Variants in FECH observed in about 807,000 individuals in gnomAD.
The protein encoded by FECH is ferrochelatase, mitochondrial.
A neutral mutation model predicts 56.9 loss-of-function variants in FECH; 40 were observed. The ratio of observed to expected loss-of-function variants is 0.70; its 90% CI spans 0.55 to 0.92. The LOEUF is 0.92. Ranked by LOEUF, FECH falls within the 40% of genes least tolerant of loss-of-function variation. FECH has a pLI of 0.00. For missense variants in FECH, 431 were observed against 529.1 expected (o/e 0.81, Z 1.82); for synonymous variants, 175 against 198.6 (o/e 0.88, Z 1.00).
chr18:57,579,970 A>T, intron 2 of FECH, 103 bp downstream of exon 2: 1 of 1,517,552 alleles, frequency 6.6e-7, no homozygotes, highest in South Asian at 1.1e-5. Context: ...AGCTCCTTCC[A>T]CACTGGCTTT....
chr18:57,576,849 C>G (rs946985512), intron 2 of FECH, among the ~76,000 whole-genome samples: 1 of 152,204 alleles, frequency 6.6e-6, no homozygotes, highest in Non-Finnish European at 1.5e-5. Context: ...AAGCTTTAGT[C>G]AAGGGTCTCC....
At chr18:57,580,424 C>T (rs1003374162) in intron 1 of FECH, among the ~76,000 whole-genome samples, 4 of 152,068 alleles carry the variant, frequency 2.6e-5, no homozygotes, top group African/African-American at 9.7e-5. Flanking sequence ...TGCAGAGAAG[C>T]ATTTTAGAAA....
At position 57,562,917 on chromosome 18, in the gene FECH, C is replaced by T. The variant is rs753599650; in HGVS notation, c.662G>A (p.Trp221Ter). The change falls in exon 6 of 11, where the codon TGG (tryptophan) becomes TAG (stop). Residue 221 changes from tryptophan (W) to a stop codon, truncating the protein, a stop_gained. Coordinates refer to ENST00000262093, the MANE Select transcript of FECH (RefSeq NM_000140.5). LOFTEE classifies it high-confidence loss of function. The part of the protein sequence containing the change: ...NQVGRKPTMK[W>*]STIDRWPTHH... ...TGTGGGCCACCTGTCAATAGTGCTC[C>T]ACTTCATCGTGGGCTTCCGTCCCAC... is the stretch of plus-strand genomic sequence containing the variant. The T allele has an allele frequency of 2.5e-6, 4 of 1,613,988 alleles. No individual in the cohort carries two copies. The highest frequency in any genetic ancestry group is 3.4e-6 in the Non-Finnish European group (4 of 1,180,036).
In FECH at chr18:57,551,300, T is replaced by C; in HGVS notation, c.1137+15A>G. On this transcript the variant is annotated intron_variant, in intron 10 of 10. Coordinates refer to ENST00000262093, the MANE Select transcript of FECH (RefSeq NM_000140.5). ...CTGGTATGTTCTACTAAAACGATTG[T>C]AACACTGTAGATACCTTAGAGAACA... The C allele has an allele frequency of 6.3e-7, 1 of 1,592,344 alleles. No homozygotes were observed. The highest frequency in any genetic ancestry group is 8.6e-7 in the Non-Finnish European group (1 of 1,160,392).
chr18:57,584,111 C>T (rs1195059644), intron 1 of FECH, among the ~76,000 whole-genome samples: 2 of 149,840 alleles, frequency 1.3e-5, no homozygotes, highest in Non-Finnish European at 3.0e-5. Context: ...ACCTGGGAGG[C>T]GGAGGTTGCA....
intron 5 of FECH, among the ~76,000 whole-genome samples, chr18:57,564,249 A>G (rs890015287): frequency 1.3e-5 from 2 of 152,220 alleles, no homozygotes; most frequent in Non-Finnish European, 2.9e-5. Context: ...CTCATTCCCT[A>G]GAATAAGCTA....
chr18:57,569,959 A>C (rs778384554), intron 4 of FECH, among the ~76,000 whole-genome samples: 2 of 150,818 alleles, frequency 1.3e-5, no homozygotes, highest in Non-Finnish European at 3.0e-5. Flanking sequence ...TCAGCCTCAC[A>C]AATAGCTGGG....
rs551149565 is a variant in FECH, at chr18:57,552,173, C to T, written c.1078-799G>A. On this transcript the variant is annotated intron_variant, in intron 9 of 10. Transcript: ENST00000262093. The stretch of plus-strand genomic sequence containing the variant: ...TGCTGGGATTACAGGTGTGAGCCAC[C>T]AAGTCTGGCCTGAAATATATTCTTA... Among the ~76,000 whole-genome samples, 16 of 151,978 alleles carry T rather than the reference C, an allele frequency of 1.1e-4. No individual in the cohort carries two copies. The East Asian group carries it at 2.9e-3, about 28-fold the overall frequency.
intron 3 of FECH, 138 bp from the exon 4 acceptor site, chr18:57,571,678 G>A: frequency 8.1e-7 from 1 of 1,238,766 alleles, no homozygotes; most frequent in Non-Finnish European, 1.1e-6. Context: ...AGAAGCTTGA[G>A]GTCATTGACA....
rs57800921 is a variant in FECH at position 57,551,424 on chromosome 18, CT to C, written c.1078-51del. ...AAAAACACAGATATATTTTATTTTC[CT>C]TTTTTTTTCAAAGAAACTGCTACAA... is the stretch of plus-strand genomic sequence containing the variant. On this transcript the variant is annotated intron_variant, in intron 9 of 10. Coordinates refer to ENST00000262093, the MANE Select transcript of FECH (RefSeq NM_000140.5). The C allele has an allele frequency of 0.12, 174,054 of 1,398,454 alleles. 12,054 individuals carry two copies. Among genetic ancestry groups the C allele is most frequent in the Non-Finnish European group, 0.14 (136,731 of 993,820 alleles). 86.6% of individuals were successfully genotyped at this position (1,398,454 alleles called of 1,614,324 possible).
At position 57,580,073 on chromosome 18, in the gene FECH, C is replaced by T. The variant is rs187462957; in HGVS notation, c.194G>A (p.Arg65Lys). Reference protein sequence around the residue: ...GAKPQVQPQKRKPKTGILMLN... With the variant: ...GAKPQVQPQKKKPKTGILMLN... ...TTTGTACCTGATGTTAGACTCATACCTCTTCTGCGGTTGAACTTGAGGTTT... is the reference window on the plus strand; with the variant it reads ...TTTGTACCTGATGTTAGACTCATACTTCTTCTGCGGTTGAACTTGAGGTTT... Residue 65 changes from arginine to lysine, a missense_variant and splice_region_variant, in exon 2 of 11, where the codon AGG becomes AAG. Physicochemically the swap from Arg to Lys is conservative, Grantham distance 26. Transcript: ENST00000262093. The T allele has an allele frequency of 2.0e-5, 33 of 1,613,960 alleles. No individual in the cohort carries two copies. The highest frequency in any genetic ancestry group is 1.3e-4 in the Admixed American group (8 of 60,010).
chr18:57,555,745 TTC>T lies in FECH; in HGVS notation c.805-795_805-794del, dbSNP rs1398901971. 5.3e-5 allele frequency among the ~76,000 whole-genome samples: 8 copies of T among 152,368 alleles called. No homozygotes were observed. In the South Asian group the frequency reaches 6.2e-4, roughly 12 times the overall value. On this transcript the variant is annotated intron_variant, in intron 7 of 10. Transcript: ENST00000262093. ...CCCTACTCTCTGCAAACAAAGATTT[TTC>T]TCTGTTTTCTTCATTCCCATATCCT...
rs182872991 is a variant in FECH at position 57,546,995 on chromosome 18, C to T, written c.*3717G>A. 5.3e-5 allele frequency among the ~76,000 whole-genome samples: 8 copies of T among 152,040 alleles called. No individual in the cohort carries two copies. The highest frequency in any genetic ancestry group is 1.9e-4 in the African/African-American group (8 of 41,440). ...AAAAAAAATTTAAGGAGTGCCCTGC[C>T]GGGTTTCAGACTTGCACAGTGGAGT... is the stretch of plus-strand genomic sequence containing the variant. On this transcript the variant is annotated 3_prime_UTR_variant, in exon 11 of 11. Transcript: ENST00000262093.
At chr18:57,573,442 C>T (rs1235623937) in intron 2 of FECH, 77 bp from the exon 3 acceptor site, 24 of 1,535,108 alleles carry the variant, frequency 1.6e-5, no homozygotes, top group Admixed American at 6.7e-5. Context: ...GTTCAGCCAG[C>T]AAACTCTAAT....
In FECH at chr18:57,559,137, T is replaced by C; in HGVS notation, c.804+8A>G. ...CACTAGGTCATCCCAGAAAATGTTC[T>C]TACTTACAGACATGGGCAGTGAGTG... On this transcript the variant is annotated splice_region_variant and intron_variant, in intron 7 of 10. Coordinates refer to ENST00000262093, the MANE Select transcript of FECH (RefSeq NM_000140.5). The C allele has an allele frequency of 6.3e-7, 1 of 1,583,746 alleles. No homozygotes were observed. Among genetic ancestry groups the C allele is most frequent in the South Asian group, 1.1e-5 (1 of 90,398 alleles).
At chr18:57,571,638 G>C in intron 3 of FECH, 98 bp from the exon 4 acceptor site, 1 of 1,573,562 alleles carries the variant, frequency 6.4e-7, no homozygotes, top group South Asian at 1.1e-5. Flanking sequence ...CAAAATTTTA[G>C]AGAGCCTAAC....
chr18:57,580,718 T>C (rs2051266548), intron 1 of FECH, among the ~76,000 whole-genome samples: 1 of 152,172 alleles, frequency 6.6e-6, no homozygotes, highest in Non-Finnish European at 1.5e-5. Flanking sequence ...TCCCAGGGCC[T>C]GTTCTGGCCC....
At chr18:57,585,136 A>G (rs1467294851) in intron 1 of FECH, among the ~76,000 whole-genome samples, 1 of 152,124 alleles carries the variant, frequency 6.6e-6, no homozygotes, top group East Asian at 1.9e-4. Context: ...GCTTCTTATT[A>G]ATTCTGTAAT....
At chr18:57,582,861 G>A (rs1272076407) in intron 1 of FECH, among the ~76,000 whole-genome samples, 8 of 143,400 alleles carry the variant, frequency 5.6e-5, no homozygotes, top group African/African-American at 2.0e-4. Context: ...GCAGTGAGAC[G>A]AGATCACACC....
Sources: gnomAD v4.1 joint callset for allele counts (sites outside exome capture counted in the v4.1 genomes callset) on GRCh38, gnomAD v4.1.1 for gene constraint, MANE v1.5 for transcripts, NCBI Gene and HGNC (gene_info 2026-07-23, HGNC 2026-07-21) for gene names.